USPL1: variants seen among roughly 807,000 people sequenced by gnomAD.
The protein encoded by USPL1 is ubiquitin specific peptidase like 1, also known as SUMO-specific isopeptidase USPL1.
USPL1 carries 27 observed loss-of-function variants against 51.5 expected under a neutral mutation model. That is an observed-to-expected ratio of 0.52 (90% confidence interval 0.39 to 0.72). USPL1 has a LOEUF of 0.72. Among genes scored for constraint, USPL1 ranks in the 30% least tolerant of loss-of-function variants. The probability of loss-of-function intolerance (pLI) is 0.00; values close to 1 mark genes in which losing one functional copy is unlikely to be tolerated. For synonymous variants in USPL1, 451 were observed against 459.6 expected (o/e 0.98, Z 0.24); for missense variants, 1,226 against 1,268.0 (o/e 0.97, Z 0.50).
At position 30,658,820 on chromosome 13, in the gene USPL1, G is replaced by A. The variant is rs575467529; in HGVS notation, c.2743G>A (p.Val915Ile). The A allele has an allele frequency of 4.3e-6, 7 of 1,613,962 alleles. No homozygotes were observed. In the South Asian group the frequency reaches 7.7e-5, roughly 18 times the overall value. Residue 915 changes from valine to isoleucine, a missense_variant, in exon 9 of 9, where the codon GTT becomes ATT. Transcript: ENST00000255304. ...ALMSSPQSRT[V>I]RSENLEQVPQ... ...TATGTCTTCCCCGCAAAGCAGAACA[G>A]TTCGAAGTGAAAATCTAGAACAGGT...
intron 7 of USPL1, among the ~76,000 whole-genome samples, chr13:30,648,444 C>T (rs1214911974): frequency 6.6e-6 from 1 of 152,158 alleles, no homozygotes; most frequent in Non-Finnish European, 1.5e-5. Context: ...ATTATGTACA[C>T]ACTTCCAGTC....
intron 3 of USPL1, among the ~76,000 whole-genome samples, chr13:30,625,444 G>GTTTTTTTTTTTTTTTT (rs926283215): frequency 1.6e-4 from 19 of 118,944 alleles, no homozygotes; most frequent in Non-Finnish European, 2.8e-4. Flanking sequence ...TTTGTTTTTT[G>GTTTTTTTTTTTTTTTT]TTTTTTTTTT....
At position 30,631,290 on chromosome 13, in the gene USPL1, G is replaced by T; in HGVS notation, c.684G>T (p.Gln228His). The T allele has an allele frequency of 1.2e-6, 2 of 1,614,174 alleles. No individual in the cohort carries two copies. Among genetic ancestry groups the T allele is most frequent in the Non-Finnish European group, 1.7e-6 (2 of 1,180,026 alleles). ...CTSFPQALCV[Q>H]WKNAYALCWL... ...CATTTCCCCAGGCTTTATGTGTCCAGTGGAAAAATGCTTATGCTCTCTGTT... is the reference window on the plus strand; with the variant it reads ...CATTTCCCCAGGCTTTATGTGTCCATTGGAAAAATGCTTATGCTCTCTGTT... The change falls in exon 4 of 9, where the codon CAG becomes CAT. Residue 228 changes from glutamine to histidine, a missense_variant. Coordinates refer to ENST00000255304, the MANE Select transcript of USPL1 (RefSeq NM_005800.5).
In USPL1 at chr13:30,637,713, G is replaced by A. The variant is rs764831758; in HGVS notation, c.869-31G>A. 18 of 1,504,886 alleles carry A rather than the reference G, an allele frequency of 1.2e-5. 3 individuals carry two copies. The South Asian group carries it at 2.1e-4, about 18-fold the overall frequency. 93.2% of individuals were successfully genotyped at this position (1,504,886 alleles called of 1,614,324 possible). On this transcript the variant is annotated intron_variant, in intron 4 of 8. Transcript: ENST00000255304. ...TCTGTGGGAAGATATACATTGATGA[G>A]GAATTGATAATGTTCTCTGTATTTT...
intron 7 of USPL1, among the ~76,000 whole-genome samples, chr13:30,652,391 T>G (rs1951102768): frequency 6.6e-6 from 1 of 152,204 alleles, no homozygotes; most frequent in Non-Finnish European, 1.5e-5. Flanking sequence ...TTTGATAAAC[T>G]AAGTAAGTTT....
At chr13:30,642,220 C>A (rs1245485746) in intron 5 of USPL1, among the ~76,000 whole-genome samples, 1 of 152,180 alleles carries the variant, frequency 6.6e-6, no homozygotes, top group Admixed American at 6.5e-5. Flanking sequence ...CTTGGCCTCC[C>A]AGTGTGCTGG....
Position 30,658,525 on chromosome 13 carries a change from T to C in USPL1, c.2448T>C (p.Arg816=). The part of the protein sequence containing the change: ...QKASHVSKKA[R]KSASKPPPIS... The stretch of plus-strand genomic sequence containing the variant: ...CCAGCCACGTATCCAAGAAAGCTCG[T>C]AAGAGTGCAAGTAAGCCTCCTCCCA... Residue 816 remains arginine (R), a synonymous_variant, in exon 9 of 9, where the codon CGT becomes CGC. Coordinates refer to ENST00000255304, the MANE Select transcript of USPL1 (RefSeq NM_005800.5). 1 of 1,614,064 alleles carries C rather than the reference T, an allele frequency of 6.2e-7. No individual in the cohort carries two copies. Among genetic ancestry groups the C allele is most frequent in the Non-Finnish European group, 8.5e-7 (1 of 1,180,010 alleles).
chr13:30,643,428 C>T (rs910691167), intron 6 of USPL1, among the ~76,000 whole-genome samples: 61 of 152,050 alleles, frequency 4.0e-4, no homozygotes, highest in African/African-American at 1.4e-3. Flanking sequence ...GTACCCACCA[C>T]GTAAGGAGAG....
At chr13:30,639,661 ACT>A (rs1249966750) in intron 5 of USPL1, among the ~76,000 whole-genome samples, 1 of 151,998 alleles carries the variant, frequency 6.6e-6, no homozygotes, top group Non-Finnish European at 1.5e-5. Context: ...AAGATATAGG[ACT>A]CTGTCACTCT....
intron 5 of USPL1, among the ~76,000 whole-genome samples, chr13:30,641,143 G>A (rs545607115): frequency 2.0e-5 from 3 of 152,302 alleles, no homozygotes; most frequent in East Asian, 1.9e-4. Context: ...AAAAAGCACC[G>A]AGGGAATTTA....
chr13:30,640,375 A>G (rs1950930655), intron 5 of USPL1, among the ~76,000 whole-genome samples: 1 of 152,132 alleles, frequency 6.6e-6, no homozygotes. Context: ...TTGTATTTCT[A>G]CTTACAAAAA....
At chr13:30,643,029 G>T in intron 6 of USPL1, among the ~76,000 whole-genome samples, 1 of 152,216 alleles carries the variant, frequency 6.6e-6, no homozygotes, top group South Asian at 2.1e-4. Context: ...AGGCATTTTT[G>T]TTTATTCCTC....
chr13:30,659,309 A>T lies in USPL1; in HGVS notation c.3232A>T (p.Thr1078Ser). The T allele has an allele frequency of 1.2e-6, 2 of 1,610,118 alleles. No individual in the cohort carries two copies. Among genetic ancestry groups the T allele is most frequent in the Non-Finnish European group, 1.7e-6 (2 of 1,177,288 alleles). Residue 1078 changes from threonine to serine, a missense_variant, in exon 9 of 9, where the codon ACA (threonine) becomes TCA (serine). Coordinates refer to ENST00000255304, the MANE Select transcript of USPL1 (RefSeq NM_005800.5). ...SSALNALAND[T>S]LDLPHFDEYL... The stretch of plus-strand genomic sequence containing the variant: ...AGCATTAAATGCTTTAGCAAATGAC[A>T]CATTAGACCTACCTCATTTCGATGA...
At position 30,659,245 on chromosome 13, in the gene USPL1, G is replaced by A. The variant is rs549337526; in HGVS notation, c.3168G>A (p.Pro1056=). The change falls in exon 9 of 9, where the codon CCG becomes CCA. Residue 1056 remains proline (P), a synonymous_variant. Coordinates refer to ENST00000255304, the MANE Select transcript of USPL1 (RefSeq NM_005800.5). ...TTAGAACATTAAACTTGGAGAGTCC[G>A]ATGAAGACTGATATTTTCGATGAGT... ...ACVRTLNLES[P]MKTDIFDEFF... 2.3e-5 allele frequency: 37 copies of A among 1,613,952 alleles called. No homozygotes were observed. The highest frequency in any genetic ancestry group is 7.7e-5 in the South Asian group (7 of 91,080).
intron 8 of USPL1, among the ~76,000 whole-genome samples, chr13:30,655,788 G>A (rs751388136): frequency 3.9e-5 from 6 of 152,138 alleles, no homozygotes; most frequent in Non-Finnish European, 7.4e-5. Context: ...AGTGCTTTGG[G>A]TGTGCACTGT....
Position 30,642,642 on chromosome 13 carries a change from C to T in USPL1, c.997C>T (p.Pro333Ser). The change falls in exon 6 of 9, where the codon CCT becomes TCT. Residue 333 changes from proline (P) to serine (S), a missense_variant. By Grantham distance (74) the Pro-to-Ser change is moderately conservative (BLOSUM62 -1). Coordinates refer to ENST00000255304, the MANE Select transcript of USPL1 (RefSeq NM_005800.5). ...LRCTLGDMESPVFAFPLLLKL... is the reference protein window; with the variant it reads ...LRCTLGDMESSVFAFPLLLKL... The stretch of plus-strand genomic sequence containing the variant: ...TCTTTTTGAAGGTGATATGGAAAGC[C>T]CTGTGTTTGCATTTCCCCTGCTCTT... 1.9e-6 allele frequency: 3 copies of T among 1,612,546 alleles called. No individual in the cohort carries two copies. Among genetic ancestry groups the T allele is most frequent in the Non-Finnish European group, 2.5e-6 (3 of 1,179,434 alleles).
At chr13:30,631,961 G>GT (rs1227216024) in intron 4 of USPL1, among the ~76,000 whole-genome samples, 3 of 110,906 alleles carry the variant, frequency 2.7e-5, no homozygotes, top group African/African-American at 5.1e-5. Flanking sequence ...CCAAAAGGCA[G>GT]TTTTTTTGTT....
rs768042373 is a variant in USPL1, at chr13:30,659,380, A to G, written c.*24A>G. The G allele has an allele frequency of 5.3e-6, 8 of 1,501,808 alleles. No individual in the cohort carries two copies. Among genetic ancestry groups the G allele is most frequent in the South Asian group, 1.3e-5 (1 of 74,502 alleles). The allele number at this position is 1,501,808 out of a possible 1,614,324, so 93.0% of individuals were successfully genotyped here. A position where few individuals can be genotyped will look rare whatever the true frequency, so the allele number is the denominator to read the frequency against. On this transcript the variant is annotated 3_prime_UTR_variant, in exon 9 of 9. Coordinates refer to ENST00000255304, the MANE Select transcript of USPL1 (RefSeq NM_005800.5). ...GAATTAATGCTTGTTAACTTTTTTCATATAATATTTATTATTATTAGAAGA... is the reference window on the plus strand; with the variant it reads ...GAATTAATGCTTGTTAACTTTTTTCGTATAATATTTATTATTATTAGAAGA...
chr13:30,622,712 A>C (rs1448897756), intron 3 of USPL1, among the ~76,000 whole-genome samples: 1 of 152,156 alleles, frequency 6.6e-6, no homozygotes, highest in Non-Finnish European at 1.5e-5. Flanking sequence ...ATGCTGATTC[A>C]ATAGAGTTGG....
Sources: gnomAD v4.1 joint callset for allele counts (sites outside exome capture counted in the v4.1 genomes callset) on GRCh38, gnomAD v4.1.1 for gene constraint, MANE v1.5 for transcripts, NCBI Gene and HGNC (gene_info 2026-07-23, HGNC 2026-07-21) for gene names.